Variants in SMARCA1 observed in about 807,000 individuals in gnomAD.
The protein encoded by SMARCA1 is SWI/SNF-related matrix-associated actin-dependent regulator of chromatin subfamily A member 1.
Under a neutral mutation model 93.6 loss-of-function variants are expected in SMARCA1, and 17 were observed. The observed-to-expected ratio is 0.18, with a 90% CI of 0.12 to 0.27. The LOEUF is 0.27. Ranked by LOEUF, SMARCA1 falls within the 10% of genes least tolerant of loss-of-function variation. The probability of loss-of-function intolerance (pLI) is 1.00; values close to 1 mark genes in which losing one functional copy is unlikely to be tolerated. For missense variants in SMARCA1, 630 were observed against 819.0 expected, an observed-to-expected ratio of 0.77 and a Z score of 2.82; for synonymous variants, 271 against 271.4, an observed-to-expected ratio of 1.00 and a Z score of 0.01.
At position 129,473,660 on chromosome X, in the gene SMARCA1, T is replaced by C. The variant is rs768020541; in HGVS notation, c.2443-2334A>G. Among the ~76,000 whole-genome samples the C allele has an allele frequency of 2.7e-5, 3 of 112,285 alleles. No homozygotes were observed. The South Asian group carries it at 1.1e-3, about 41-fold the overall frequency. ...AGCCACATAGATACATGGGACAACA[T>C]GGCTGAATCTCTAAAACATTATGCT... On this transcript the variant is annotated intron_variant, in intron 19 of 24. Coordinates refer to ENST00000371121, the MANE Select transcript of SMARCA1 (RefSeq NM_001282874.2).
chrX:129,515,481 T>C (rs1355081617), intron 5 of SMARCA1, among the ~76,000 whole-genome samples: 3 of 110,892 alleles, frequency 2.7e-5, no homozygotes, highest in African/African-American at 6.6e-5. Context: ...TGAGCCGAGA[T>C]TGCACCACTG....
intron 20 of SMARCA1, 39 bp from the exon 21 acceptor site, chrX:129,468,944 AT>A: frequency 9.9e-7 from 1 of 1,008,515 alleles, no homozygotes; most frequent in Non-Finnish European, 1.4e-6. Context: ...TAGAGGTTAA[AT>A]TAATAAATCC....
chrX:129,452,216 T>C (rs2124154490), intron 23 of SMARCA1, among the ~76,000 whole-genome samples: 1 of 112,587 alleles, frequency 8.9e-6, no homozygotes, highest in East Asian at 2.8e-4. Flanking sequence ...TCATATATTC[T>C]CCTAGATTCT....
rs1312306078 is a variant in SMARCA1 at position 129,462,287 on chromosome X, G to T, written c.3030+3233C>A. The stretch of plus-strand genomic sequence containing the variant: ...TACATTCTCTGTAGTTCTAAGATGG[G>T]ATTTTTCAATGAAACAACTTCTTTG... On this transcript the variant is annotated intron_variant, in intron 23 of 24. Transcript: ENST00000371121. 2.7e-5 allele frequency among the ~76,000 whole-genome samples: 3 copies of T among 111,688 alleles called. No individual in the cohort carries two copies. The East Asian group carries it at 8.4e-4, about 31-fold the overall frequency.
intron 6 of SMARCA1, among the ~76,000 whole-genome samples, chrX:129,509,621 A>T (rs1366557472): frequency 1.8e-5 from 2 of 112,212 alleles, no homozygotes; most frequent in Non-Finnish European, 3.8e-5. Flanking sequence ...AATTTTTTGT[A>T]ACTATTGGAT....
intron 12 of SMARCA1, among the ~76,000 whole-genome samples, chrX:129,494,362 C>G (rs1934240840): frequency 9.0e-6 from 1 of 111,632 alleles, no homozygotes; most frequent in African/African-American, 3.3e-5. Flanking sequence ...GTTGCCATCT[C>G]AGAGAGAGTG....
At chrX:129,512,389 T>C (rs1036899493) in intron 5 of SMARCA1, among the ~76,000 whole-genome samples, 2 of 111,772 alleles carry the variant, frequency 1.8e-5, no homozygotes, top group African/African-American at 6.5e-5. Context: ...TCTTTCCTAT[T>C]GTTCCTAACA....
intron 23 of SMARCA1, among the ~76,000 whole-genome samples, chrX:129,464,348 A>G (rs1932858231): frequency 8.9e-6 from 1 of 112,720 alleles, no homozygotes; most frequent in African/African-American, 3.2e-5. Context: ...ATCCTATTTT[A>G]TGACTAGTCA....
chrX:129,481,336 T>G, intron 17 of SMARCA1, 151 bp from the exon 18 acceptor site: 1 of 433,979 alleles, frequency 2.3e-6, no homozygotes, highest in Non-Finnish European at 3.9e-6. Flanking sequence ...ACCTCCAAAG[T>G]TCCAAAACAT....
At chrX:129,514,610 C>T (rs749402340) in intron 5 of SMARCA1, among the ~76,000 whole-genome samples, 5 of 111,923 alleles carry the variant, frequency 4.5e-5, no homozygotes, top group African/African-American at 1.6e-4. Context: ...CACCTTATTC[C>T]CAAAAGGATT....
At chrX:129,465,490 G>T in intron 23 of SMARCA1, 30 bp downstream of exon 23, 1 of 1,045,880 alleles carries the variant, frequency 9.6e-7, no homozygotes, top group South Asian at 2.1e-5. Flanking sequence ...ATAAAAAGTT[G>T]GAGGAAATCG....
intron 6 of SMARCA1, among the ~76,000 whole-genome samples, chrX:129,511,030 CTG>C (rs1413597922): frequency 9.0e-6 from 1 of 111,363 alleles, no homozygotes; most frequent in Non-Finnish European, 1.9e-5. Flanking sequence ...ATATGGAAAA[CTG>C]AATACATCTC....
At chrX:129,490,304 A>G in intron 14 of SMARCA1, 112 bp from the exon 15 acceptor site, 2 of 443,581 alleles carry the variant, frequency 4.5e-6, no homozygotes, top group Non-Finnish European at 3.7e-6. Context: ...TAGATCTGAC[A>G]CTTTGGAAAA....
At chrX:129,493,789 T>C (rs976386135) in intron 12 of SMARCA1, among the ~76,000 whole-genome samples, 1 of 112,077 alleles carries the variant, frequency 8.9e-6, no homozygotes, top group Non-Finnish European at 1.9e-5. Flanking sequence ...TTAGTTCCTT[T>C]CCCTATAAAA....
At position 129,489,026 on chromosome X, in the gene SMARCA1, G is replaced by T. The variant is rs201836596; in HGVS notation, c.2008C>A (p.Arg670=). The T allele has an allele frequency of 1.7e-6, 2 of 1,172,607 alleles. No homozygotes were observed. Among genetic ancestry groups the T allele is most frequent in the African/African-American group, 1.8e-5 (1 of 57,140 alleles). ...LAKEEMLQMI[R]HGATHVFASK... is the part of the protein sequence containing the mutation. ...GCAAAAACATGGGTGGCTCCATGCC[G>T]TATCATTTGTAACATTTCCTCTTTT... The change falls in exon 16 of 25, where the codon CGG becomes AGG. Residue 670 remains arginine (R), a synonymous_variant. Coordinates refer to ENST00000371121, the MANE Select transcript of SMARCA1 (RefSeq NM_001282874.2).
chrX:129,475,109 A>T (rs989331398), intron 19 of SMARCA1, among the ~76,000 whole-genome samples: 8 of 95,457 alleles, frequency 8.4e-5, no homozygotes, highest in East Asian at 5.8e-4. Flanking sequence ...CACCTCCTAT[A>T]AAAAAAAACC....
intron 23 of SMARCA1, among the ~76,000 whole-genome samples, chrX:129,451,491 C>G (rs750251297): frequency 2.7e-5 from 3 of 111,207 alleles, no homozygotes; most frequent in Admixed American, 9.6e-5. Context: ...TTTGAGACAG[C>G]CTCCTAAGCA....
chrX:129,499,258 T>C (rs1934459732), intron 10 of SMARCA1, among the ~76,000 whole-genome samples: 2 of 111,291 alleles, frequency 1.8e-5, no homozygotes, highest in African/African-American at 6.5e-5. Flanking sequence ...CCCAGGCTAG[T>C]CTTGAACTCC....
chrX:129,509,916 A>C (rs1263744919), intron 6 of SMARCA1, among the ~76,000 whole-genome samples: 1 of 111,939 alleles, frequency 8.9e-6, no homozygotes, highest in Non-Finnish European at 1.9e-5. Context: ...ACCTACATCA[A>C]ATTTTTATTA....
Sources: allele counts gnomAD v4.1 joint callset (sites outside exome capture counted in the v4.1 genomes callset), GRCh38; gene constraint gnomAD v4.1.1; transcripts MANE v1.5; gene names NCBI Gene and HGNC (gene_info 2026-07-23, HGNC 2026-07-21).